The following SPAG16 variants were observed in gnomAD, a reference collection of about 807,000 sequenced individuals.
The protein encoded by SPAG16 is sperm associated antigen 16, also known as sperm-associated antigen 16 protein.
Under a neutral mutation model 80.4 loss-of-function variants are expected in SPAG16, and 86 were observed. The observed-to-expected ratio is 1.07, with a 90% CI of 0.90 to 1.28. The LOEUF (loss-of-function observed/expected upper bound fraction) is 1.28. Ranked by LOEUF, SPAG16 falls within the 50% of genes most tolerant of loss-of-function variation. The pLI is 0.00. For synonymous variants in SPAG16, 294 were observed against 265.9 expected (o/e 1.11, Z -1.03); for missense variants, 870 against 765.3 (o/e 1.14, Z -1.61).
intron 4 of SPAG16, among the ~76,000 whole-genome samples, chr2:213,310,555 G>A (rs1166327197): frequency 6.6e-6 from 1 of 151,738 alleles, no homozygotes; most frequent in East Asian, 1.9e-4. Context: ...CCTGTATTTA[G>A]ACATTATACT....
chr2:213,913,025 A>G (rs2077749811), intron 11 of SPAG16, among the ~76,000 whole-genome samples: 1 of 152,140 alleles, frequency 6.6e-6, no homozygotes, highest in South Asian at 2.1e-4. Context: ...GAATGGCACT[A>G]TCTGTTTTTC....
intron 9 of SPAG16, among the ~76,000 whole-genome samples, chr2:213,376,239 T>C (rs1233390524): frequency 2.0e-5 from 3 of 151,972 alleles, no homozygotes; most frequent in African/African-American, 7.2e-5. Context: ...TCTAACGGTA[T>C]AAGTATTGTC....
At chr2:213,717,161 T>C (rs1474380940) in intron 10 of SPAG16, among the ~76,000 whole-genome samples, 4 of 151,118 alleles carry the variant, frequency 2.6e-5, no homozygotes, top group Admixed American at 1.3e-4. Flanking sequence ...TTTTCATTTT[T>C]TTTTTTTTTT....
At position 214,216,440 on chromosome 2, in the gene SPAG16, G is replaced by T. The variant is rs1426287211; in HGVS notation, c.1720+67174G>T. ...AGGATCCAGCGATTCCCCTGCCTCA[G>T]CCTACCAAGTAGCTGGGATTACAGG... On this transcript the variant is annotated intron_variant, in intron 15 of 15. Coordinates refer to ENST00000331683, the MANE Select transcript of SPAG16 (RefSeq NM_024532.5). Among the ~76,000 whole-genome samples the T allele has an allele frequency of 3.9e-5, 6 of 152,270 alleles. No individual in the cohort carries two copies. The East Asian group carries it at 1.2e-3, about 29-fold the overall frequency.
intron 10 of SPAG16, among the ~76,000 whole-genome samples, chr2:213,767,242 A>T (rs542055492): frequency 1.3e-5 from 2 of 152,322 alleles, no homozygotes; most frequent in Non-Finnish European, 2.9e-5. Flanking sequence ...TTATCCAAGT[A>T]TTAATTTTCT....
chr2:213,566,539 A>G (rs1419621547), intron 10 of SPAG16, among the ~76,000 whole-genome samples: 2 of 152,184 alleles, frequency 1.3e-5, no homozygotes, highest in African/African-American at 2.4e-5. Context: ...CTTAAATTTC[A>G]TAGCTATTAT....
rs2073872842 is a variant in SPAG16, at chr2:213,833,528, ATAT to A, written c.1071-28953_1071-28951del. ...ATTATATATAATATATATAATATATATATTATATATAATATATATAATATATAT... is the reference window on the plus strand; with the variant it reads ...ATTATATATAATATATATAATATATATATATATAATATATATAATATATAT... On this transcript the variant is annotated intron_variant, in intron 10 of 15. Transcript: ENST00000331683. Among the ~76,000 whole-genome samples, 3 of 2,032 alleles carry A rather than the reference ATAT, an allele frequency of 1.5e-3. 1 individual carries two copies. Among genetic ancestry groups the A allele is most frequent in the Non-Finnish European group, 3.5e-3 (3 of 846 alleles). The allele number at this position is 2,032 out of a possible 152,430, so 1.3% of individuals were successfully genotyped here. A position where few individuals can be genotyped will look rare whatever the true frequency, so the allele number is the denominator to read the frequency against.
At chr2:213,380,317 T>C (rs537859680) in intron 9 of SPAG16, among the ~76,000 whole-genome samples, 1 of 152,180 alleles carries the variant, frequency 6.6e-6, no homozygotes, top group Non-Finnish European at 1.5e-5. Flanking sequence ...GCCTGCATAT[T>C]GTGCAGATCC....
intron 10 of SPAG16, among the ~76,000 whole-genome samples, chr2:213,572,390 TGATGGTGATGTACA>T (rs1208828552): frequency 8.1e-6 from 1 of 123,980 alleles, no homozygotes; most frequent in Non-Finnish European, 1.7e-5. Flanking sequence ...TGGTCTTTGA[TGATGGTGATGTACA>T]GATGGGTTTT....
In SPAG16 at chr2:214,405,128, TTTGTTA is replaced by T. The variant is rs1421669145; in HGVS notation, c.1721-5009_1721-5004del. Among the ~76,000 whole-genome samples, 48 of 152,158 alleles carry T rather than the reference TTTGTTA, an allele frequency of 3.2e-4. 1 individual carries two copies. Among genetic ancestry groups the T allele is most frequent in the African/African-American group, 1.2e-3 (48 of 41,494 alleles). ...TTATCTGAGTCTTTTTTGCTTATTTTTTGTTATTATTTTAGAGACAGGGACTTGCGC... is the reference window on the plus strand; with the variant it reads ...TTATCTGAGTCTTTTTTGCTTATTTTTTATTTTAGAGACAGGGACTTGCGC... On this transcript the variant is annotated intron_variant, in intron 15 of 15. Transcript: ENST00000331683.
Position 213,976,133 on chromosome 2 carries a change from T to TAC in SPAG16, c.1401-37817_1401-37816insCA, listed in dbSNP as rs748686035. 4.8e-3 allele frequency among the ~76,000 whole-genome samples: 580 copies of TAC among 120,670 alleles called. 5 individuals are homozygous for TAC. Among genetic ancestry groups the TAC allele is most frequent in the Middle Eastern group, 0.017 (4 of 232 alleles). The allele number at this position is 120,670 out of a possible 152,430, so 79.2% of individuals were successfully genotyped here. A position where few individuals can be genotyped will look rare whatever the true frequency, so the allele number is the denominator to read the frequency against. The stretch of plus-strand genomic sequence containing the variant: ...AGATATATATATATATATATATATA[T>TAC]ATACACACACACACACACACACGTA... On this transcript the variant is annotated intron_variant, in intron 12 of 15. Transcript: ENST00000331683.
In SPAG16 at chr2:213,457,889, T is replaced by C. The variant is rs78877207; in HGVS notation, c.943-32074T>C. ...ATTCCCTCTTCTTTTATTTTTTTTT[T>C]CCTTCCTTGGCCTTTTTGACTAATT... On this transcript the variant is annotated intron_variant, in intron 9 of 15. Coordinates refer to ENST00000331683, the MANE Select transcript of SPAG16 (RefSeq NM_024532.5). 3.9e-5 allele frequency among the ~76,000 whole-genome samples: 6 copies of C among 151,912 alleles called. 1 individual carries two copies. The highest frequency in any genetic ancestry group is 4.1e-4 in the South Asian group (2 of 4,826).
intron 10 of SPAG16, among the ~76,000 whole-genome samples, chr2:213,724,449 A>C (rs2066663198): frequency 6.6e-6 from 1 of 152,130 alleles, no homozygotes; most frequent in Admixed American, 6.5e-5. Flanking sequence ...AAAATAAACC[A>C]TGTATTTCCA....
chr2:214,198,575 C>G (rs1459179894), intron 15 of SPAG16, among the ~76,000 whole-genome samples: 1 of 152,032 alleles, frequency 6.6e-6, no homozygotes, highest in South Asian at 2.1e-4. Context: ...GTCCACGTAT[C>G]TTTTTCATAT....
At chr2:213,591,832 A>G (rs182778285) in intron 10 of SPAG16, among the ~76,000 whole-genome samples, 3 of 152,322 alleles carry the variant, frequency 2.0e-5, no homozygotes, top group African/African-American at 7.2e-5. Flanking sequence ...AGATCAGACA[A>G]CACCTGTGGG....
At chr2:214,169,556 T>G in intron 15 of SPAG16, among the ~76,000 whole-genome samples, 1 of 151,952 alleles carries the variant, frequency 6.6e-6, no homozygotes, top group East Asian at 1.9e-4. Context: ...CTCTCCAATA[T>G]TTTTGGAGAG....
At chr2:214,204,306 A>C (rs539328025) in intron 15 of SPAG16, among the ~76,000 whole-genome samples, 2 of 152,106 alleles carry the variant, frequency 1.3e-5, no homozygotes, top group Non-Finnish European at 2.9e-5. Context: ...CCACCACCTG[A>C]TCCTCCCTAT....
intron 9 of SPAG16, among the ~76,000 whole-genome samples, chr2:213,474,983 C>T (rs952071353): frequency 1.3e-5 from 2 of 152,162 alleles, no homozygotes; most frequent in Non-Finnish European, 2.9e-5. Flanking sequence ...TCATTGGGGT[C>T]CCATTTAGGG....
chr2:213,323,481 T>C (rs1221580541), intron 5 of SPAG16, among the ~76,000 whole-genome samples: 2 of 152,176 alleles, frequency 1.3e-5, no homozygotes, highest in Non-Finnish European at 2.9e-5. Context: ...CAAGTGTTGA[T>C]GTAAATGTGG....
Sources: allele counts gnomAD v4.1 joint callset (sites outside exome capture counted in the v4.1 genomes callset), GRCh38; gene constraint gnomAD v4.1.1; transcripts MANE v1.5; gene names NCBI Gene and HGNC (gene_info 2026-07-23, HGNC 2026-07-21).